OPCML: variants seen among roughly 807,000 people sequenced by gnomAD.
OPCML encodes the protein opioid binding protein/cell adhesion molecule like.
Under a neutral mutation model 37.8 loss-of-function variants are expected in OPCML, and 13 were observed. The ratio of observed to expected loss-of-function variants is 0.34; its 90% CI spans 0.22 to 0.55. The LOEUF is 0.55. OPCML is among the 20% of genes least tolerant of loss of function. The pLI is 0.91. For synonymous variants in OPCML, 176 were observed against 168.8 expected (o/e 1.04, Z -0.33); for missense variants, 341 against 435.6 (o/e 0.78, Z 1.93).
intron 1 of OPCML, among the ~76,000 whole-genome samples, chr11:133,157,515 C>T (rs1398772555): frequency 1.3e-5 from 2 of 152,214 alleles, no homozygotes; most frequent in African/African-American, 4.8e-5. Flanking sequence ...CCAGGTTAAT[C>T]ACCAGCAAGC....
chr11:132,610,950 C>A (rs1938601537), intron 3 of OPCML, among the ~76,000 whole-genome samples: 1 of 152,142 alleles, frequency 6.6e-6, no homozygotes, highest in Non-Finnish European at 1.5e-5. Flanking sequence ...GTTAAAGCCC[C>A]ATGGTGAGCA....
At chr11:133,255,851 AT>A (rs1184315496) in intron 1 of OPCML, among the ~76,000 whole-genome samples, 1 of 152,168 alleles carries the variant, frequency 6.6e-6, no homozygotes, top group Non-Finnish European at 1.5e-5. Context: ...AAAAAATGAG[AT>A]TATTATACAT....
At chr11:132,826,934 AAAGGGAAGAG>A (rs1940382730) in intron 2 of OPCML, among the ~76,000 whole-genome samples, 1 of 152,186 alleles carries the variant, frequency 6.6e-6, no homozygotes, top group South Asian at 2.1e-4. Flanking sequence ...ATATAGGTAT[AAAGGGAAGAG>A]AAGGGGGAGA....
chr11:133,379,988 T>A (rs1415915890), intron 1 of OPCML, among the ~76,000 whole-genome samples: 1 of 152,190 alleles, frequency 6.6e-6, no homozygotes, highest in African/African-American at 2.4e-5. Context: ...TTAAGGACAA[T>A]TTTGTCTATG....
intron 1 of OPCML, among the ~76,000 whole-genome samples, chr11:132,984,939 G>C (rs1565382192): frequency 6.6e-6 from 1 of 152,084 alleles, no homozygotes; most frequent in Non-Finnish European, 1.5e-5. Context: ...AAACCACCAA[G>C]TATTTCTCTA....
chr11:132,476,678 A>G (rs77236496), intron 4 of OPCML, among the ~76,000 whole-genome samples: 14 of 152,004 alleles, frequency 9.2e-5, no homozygotes, highest in Admixed American at 3.3e-4. Flanking sequence ...CATCACACAC[A>G]GGGGACTGTT....
chr11:132,789,863 G>T (rs1565865379), intron 2 of OPCML, among the ~76,000 whole-genome samples: 1 of 152,136 alleles, frequency 6.6e-6, no homozygotes, highest in Non-Finnish European at 1.5e-5. Context: ...CCAGAAAGGG[G>T]GAGGAATTTC....
chr11:133,228,445 T>C (rs1940134778), intron 1 of OPCML, among the ~76,000 whole-genome samples: 2 of 152,252 alleles, frequency 1.3e-5, no homozygotes, highest in Admixed American at 6.5e-5. Flanking sequence ...TTCTTTCCGC[T>C]ATAGCTCATG....
chr11:132,972,156 T>C lies in OPCML; in HGVS notation c.62-29146A>G, dbSNP rs368473951. ...AGAGGCTGCAGTTTCCTGATAATAA[T>C]GTCTTCCTGATTTTGGGTGGCTCTG... On this transcript the variant is annotated intron_variant, in intron 1 of 7. Transcript: ENST00000524381. Among the ~76,000 whole-genome samples, 19 of 152,234 alleles carry C rather than the reference T, an allele frequency of 1.2e-4. 1 individual carries two copies. In the East Asian group the frequency reaches 2.5e-3, roughly 20 times the overall value.
intron 2 of OPCML, among the ~76,000 whole-genome samples, chr11:132,841,953 G>C (rs1941311495): frequency 6.7e-6 from 1 of 149,770 alleles, no homozygotes; most frequent in Non-Finnish European, 1.5e-5. Context: ...GTTAGACCCA[G>C]GTCAATCCAT....
intron 1 of OPCML, among the ~76,000 whole-genome samples, chr11:133,378,298 T>C (rs1259277826): frequency 6.6e-6 from 1 of 152,272 alleles, no homozygotes; most frequent in African/African-American, 2.4e-5. Context: ...ACATTTTGTA[T>C]GGCCTTTGAG....
At chr11:132,680,396 G>A (rs934208933) in intron 2 of OPCML, among the ~76,000 whole-genome samples, 1 of 152,180 alleles carries the variant, frequency 6.6e-6, no homozygotes, top group African/African-American at 2.4e-5. Context: ...AGATTGGAGA[G>A]AAACCCACCC....
chr11:132,602,404 T>C (rs1244749278), intron 3 of OPCML, among the ~76,000 whole-genome samples: 1 of 152,212 alleles, frequency 6.6e-6, no homozygotes, highest in Non-Finnish European at 1.5e-5. Flanking sequence ...TTTTCTCTTT[T>C]AAAATTCTAA....
chr11:133,293,901 C>T (rs201108499), intron 1 of OPCML, among the ~76,000 whole-genome samples: 1 of 31,760 alleles, frequency 3.1e-5, no homozygotes, highest in African/African-American at 2.4e-4. Flanking sequence ...ACTTCACACA[C>T]ACACACACAC....
chr11:132,695,644 T>G (rs1445254748), intron 2 of OPCML, among the ~76,000 whole-genome samples: 2 of 152,164 alleles, frequency 1.3e-5, no homozygotes, highest in African/African-American at 4.8e-5. Flanking sequence ...ACACAAAAGA[T>G]GAGGGCAGCC....
chr11:133,010,349 T>A (rs185597150), intron 1 of OPCML, among the ~76,000 whole-genome samples: 2 of 152,352 alleles, frequency 1.3e-5, no homozygotes, highest in East Asian at 1.9e-4. Flanking sequence ...GGATAATTTG[T>A]GAATAAATGG....
rs149484527 is a variant in OPCML at position 133,127,596 on chromosome 11, G to A, written c.62-184586C>T. ...TGCAGTGGGCTGAGACTGCACCACC[G>A]CATTCCAGCCTGGGTGACAGAGAGA... On this transcript the variant is annotated intron_variant, in intron 1 of 7. Transcript: ENST00000524381. Among the ~76,000 whole-genome samples the A allele has an allele frequency of 3.4e-4, 51 of 151,062 alleles. No individual in the cohort carries two copies. The East Asian group carries it at 7.8e-3, about 23-fold the overall frequency.
At chr11:132,468,289 C>G (rs1163381688) in intron 4 of OPCML, among the ~76,000 whole-genome samples, 1 of 152,196 alleles carries the variant, frequency 6.6e-6, no homozygotes. Context: ...CCTCTGCAGG[C>G]AAACTAATTA....
rs71038527 is a variant in OPCML at position 133,410,634 on chromosome 11, T to TAAAAAAAAAAAAAA, written c.61+121616_61+121629dup. Among the ~76,000 whole-genome samples the TAAAAAAAAAAAAAA allele has an allele frequency of 1.9e-3, 87 of 47,000 alleles. 24 individuals carry two copies. The highest frequency in any genetic ancestry group is 8.7e-3 in the East Asian group (10 of 1,152). 30.8% of individuals were successfully genotyped at this position (47,000 alleles called of 152,430 possible). On this transcript the variant is annotated intron_variant, in intron 1 of 7. Coordinates refer to ENST00000524381, the MANE Select transcript of OPCML (RefSeq NM_001012393.5). ...TGAAAGCACACGTTAAGAAAAAAAGTAAAAAAAAAAAAAAAAAAAAAAAAA... is the reference window on the plus strand; with the variant it reads ...TGAAAGCACACGTTAAGAAAAAAAGTAAAAAAAAAAAAAAAAAAAAAAAAAAAAAAAAAAAAAAA...
Sources: allele counts gnomAD v4.1 joint callset (sites outside exome capture counted in the v4.1 genomes callset), GRCh38; gene constraint gnomAD v4.1.1; transcripts MANE v1.5; gene names NCBI Gene and HGNC (gene_info 2026-07-23, HGNC 2026-07-21).